Variants in SIRPA observed in about 807,000 individuals in gnomAD.
The protein encoded by SIRPA is tyrosine-protein phosphatase non-receptor type substrate 1.
Under a neutral mutation model 50.3 loss-of-function variants are expected in SIRPA, and 9 were observed. The ratio of observed to expected loss-of-function variants is 0.18; its 90% CI spans 0.11 to 0.31. The LOEUF (loss-of-function observed/expected upper bound fraction) is 0.31, where lower values mean the gene tolerates loss of function less well. SIRPA is among the 10% of genes least tolerant of loss of function. The pLI is 1.00. For synonymous variants in SIRPA, 265 were observed against 284.1 expected (o/e 0.93, Z 0.68); for missense variants, 474 against 661.6 (o/e 0.72, Z 3.11).
chr20:1,926,856 G>A (rs531824798), intron 5 of SIRPA, among the ~76,000 whole-genome samples: 3 of 152,304 alleles, frequency 2.0e-5, no homozygotes, highest in East Asian at 3.9e-4. Flanking sequence ...GGCCCTGGAG[G>A]GGTCTGCCCA....
intron 5 of SIRPA, among the ~76,000 whole-genome samples, chr20:1,925,518 C>G (rs1046883912): frequency 1.3e-5 from 2 of 152,214 alleles, no homozygotes; most frequent in African/African-American, 4.8e-5. Flanking sequence ...ACCCAGGACA[C>G]CGCTTCCCCT....
At chr20:1,907,724 G>T (rs561951831) in intron 1 of SIRPA, among the ~76,000 whole-genome samples, 1 of 152,354 alleles carries the variant, frequency 6.6e-6, no homozygotes, top group East Asian at 1.9e-4. Context: ...AAGGGCAAGG[G>T]CCTGTCTTAC....
At chr20:1,914,998 T>C (rs111751479) in intron 1 of SIRPA, 101 bp from the exon 2 acceptor site, 293,579 of 929,752 alleles carry the variant, frequency 0.32, 56,133 homozygotes, top group East Asian at 0.64. Context: ...ACAGCCTGCT[T>C]CTGGTGTGCA....
intron 1 of SIRPA, among the ~76,000 whole-genome samples, chr20:1,907,105 C>T (rs1002300419): frequency 2.0e-5 from 3 of 152,192 alleles, no homozygotes; most frequent in African/African-American, 7.2e-5. Context: ...TTACCTACTG[C>T]ATGGATGGGG....
intron 1 of SIRPA, among the ~76,000 whole-genome samples, chr20:1,905,978 G>A (rs6081106): frequency 0.14 from 21,876 of 152,164 alleles, 2,052 homozygotes; most frequent in Admixed American, 0.22. Context: ...GTTCTGCCTC[G>A]GAGAGGATCC....
intron 5 of SIRPA, 148 bp downstream of exon 5, chr20:1,925,025 C>A: frequency 1.5e-6 from 1 of 661,956 alleles, no homozygotes; most frequent in Non-Finnish European, 2.7e-6. Context: ...GGGCAGTGGC[C>A]TCACCATGTT....
chr20:1,929,976 C>T (rs1986206972), intron 6 of SIRPA, among the ~76,000 whole-genome samples: 2 of 152,134 alleles, frequency 1.3e-5, no homozygotes, highest in South Asian at 2.1e-4. Context: ...CTCAACCACA[C>T]TGTGCTCCCC....
intron 1 of SIRPA, among the ~76,000 whole-genome samples, chr20:1,902,477 A>C (rs1984276912): frequency 6.6e-6 from 1 of 152,216 alleles, no homozygotes; most frequent in Non-Finnish European, 1.5e-5. Flanking sequence ...TTCATTCAAC[A>C]AATATTTTTG....
rs1324549829 is a variant in SIRPA at position 1,932,642 on chromosome 20, G to C, written c.1227-2073G>C. Among the ~76,000 whole-genome samples, 2 of 152,184 alleles carry C rather than the reference G, an allele frequency of 1.3e-5. No homozygotes were observed. Among genetic ancestry groups the C allele is most frequent in the African/African-American group, 4.8e-5 (2 of 41,428 alleles). Reference sequence around the variant, plus strand: ...AACATGACATCACTTATGCATTTCAGATAGGGAGAATGGAGGGCAGGGAAG... The same window carrying C: ...AACATGACATCACTTATGCATTTCACATAGGGAGAATGGAGGGCAGGGAAG... On this transcript the variant is annotated intron_variant, in intron 6 of 7. Coordinates refer to ENST00000358771, the MANE Select transcript of SIRPA (RefSeq NM_001040023.2). The surrounding 1 kb of genome is among the most constrained non-coding windows in gnomAD (Gnocchi z 6.0).
At position 1,932,444 on chromosome 20, in the gene SIRPA, G is replaced by A. The variant is rs1006475457; in HGVS notation, c.1227-2271G>A. 2.0e-5 allele frequency among the ~76,000 whole-genome samples: 3 copies of A among 152,186 alleles called. No individual in the cohort carries two copies. The highest frequency in any genetic ancestry group is 7.2e-5 in the African/African-American group (3 of 41,442). On this transcript the variant is annotated intron_variant, in intron 6 of 7. Transcript: ENST00000358771. The surrounding 1 kb of genome is among the most constrained non-coding windows in gnomAD (Gnocchi z 6.0). ...ACAGCCAGTGCCAAGACCCTGAGAC[G>A]GGAGCAGTCAGATGCATGCACAGAA...
intron 5 of SIRPA, among the ~76,000 whole-genome samples, chr20:1,926,434 C>T (rs1985985188): frequency 6.6e-6 from 1 of 152,238 alleles, no homozygotes; most frequent in African/African-American, 2.4e-5. Context: ...TCCTGGCACA[C>T]GTGAGCTCAT....
At chr20:1,899,342 G>T (rs568450574) in intron 1 of SIRPA, among the ~76,000 whole-genome samples, 1 of 152,270 alleles carries the variant, frequency 6.6e-6, no homozygotes, top group East Asian at 1.9e-4. Flanking sequence ...CCTCCCTGCA[G>T]ACCAGAGCTT....
At chr20:1,911,703 C>T (rs1479748261) in intron 1 of SIRPA, among the ~76,000 whole-genome samples, 1 of 152,174 alleles carries the variant, frequency 6.6e-6, no homozygotes, top group East Asian at 1.9e-4. Flanking sequence ...TCCTGCCAAG[C>T]TGCTTTCCCG....
chr20:1,932,978 A>G lies in SIRPA; in HGVS notation c.1227-1737A>G, dbSNP rs914151267. On this transcript the variant is annotated intron_variant, in intron 6 of 7. Transcript: ENST00000358771. This position sits in a 1 kb window ranked among gnomAD's most constrained non-coding sequence, Gnocchi z 6.0. ...AATTGCTTTGAAAGAGAAGAACCCA[A>G]TGTTTTGAGAATGGAGTTTGGGGGT... is the stretch of plus-strand genomic sequence containing the variant. Among the ~76,000 whole-genome samples the G allele has an allele frequency of 2.6e-5, 4 of 152,228 alleles. No homozygotes were observed. The highest frequency in any genetic ancestry group is 4.4e-5 in the Non-Finnish European group (3 of 68,038).
chr20:1,905,125 T>C (rs535000824), intron 1 of SIRPA, among the ~76,000 whole-genome samples: 1 of 152,362 alleles, frequency 6.6e-6, no homozygotes, highest in East Asian at 1.9e-4. Context: ...CAGTGAATAG[T>C]GTCAGCTTGG....
In SIRPA at chr20:1,900,990, A is replaced by G. The variant is rs114899168; in HGVS notation, c.79+5464A>G. Among the ~76,000 whole-genome samples the G allele has an allele frequency of 5.4e-3, 816 of 152,212 alleles. 10 individuals carry two copies. Among genetic ancestry groups the G allele is most frequent in the African/African-American group, 0.019 (770 of 41,522 alleles). On this transcript the variant is annotated intron_variant, in intron 1 of 7. Transcript: ENST00000358771. The stretch of plus-strand genomic sequence containing the variant: ...GCCACACCGTAAGCGCCAGATGTGG[A>G]TAACCACTGTCGGCCTAATCACAGA...
chr20:1,906,365 A>G (rs932147299), intron 1 of SIRPA, among the ~76,000 whole-genome samples: 3 of 152,246 alleles, frequency 2.0e-5, no homozygotes, highest in Non-Finnish European at 2.9e-5. Flanking sequence ...TTAAAAAATT[A>G]ACAAGGAAAT....
chr20:1,937,558 C>T lies in SIRPA; in HGVS notation c.1505C>T (p.Pro502Leu), dbSNP rs147758372. ...TCAGAGTACGCCAGCGTCCAGGTCCCGAGGAAGTGAATGGGACCGTGGTTT... is the reference window on the plus strand; with the variant it reads ...TCAGAGTACGCCAGCGTCCAGGTCCTGAGGAAGTGAATGGGACCGTGGTTT... The part of the protein sequence containing the change: ...SFSEYASVQV[P>L]RK The change falls in exon 8 of 8, where the codon CCG (proline) becomes CTG (leucine). Residue 502 changes from proline to leucine, a missense_variant. Physicochemically the swap from Pro to Leu is moderately conservative, Grantham distance 98 (BLOSUM62 -3). This residue lies in a region of SIRPA where 180 missense variants were observed against 206.7 expected (regional missense o/e 0.87). Transcript: ENST00000358771. The surrounding 1 kb of genome is among the most constrained non-coding windows in gnomAD (Gnocchi z 8.3). 1.3e-3 allele frequency: 2,102 copies of T among 1,614,056 alleles called. 5 individuals are homozygous for T. Among genetic ancestry groups the T allele is most frequent in the Non-Finnish European group, 1.6e-3 (1,883 of 1,179,982 alleles).
intron 6 of SIRPA, among the ~76,000 whole-genome samples, chr20:1,931,281 G>A (rs1394023601): frequency 6.6e-6 from 1 of 152,162 alleles, no homozygotes; most frequent in Non-Finnish European, 1.5e-5. Context: ...TGTTCTAGAA[G>A]GTTCTTATTC....
Sources: gnomAD v4.1 joint callset for allele counts (sites outside exome capture counted in the v4.1 genomes callset) on GRCh38, gnomAD v4.1.1 for gene constraint, gnomAD v4.1.1 regional missense constraint, Gnocchi (gnomAD v3.1) non-coding constraint, MANE v1.5 for transcripts, NCBI Gene and HGNC (gene_info 2026-07-23, HGNC 2026-07-21) for gene names.